Variants in RGS6 observed in about 807,000 individuals in gnomAD.
The protein encoded by RGS6 is regulator of G protein signaling 6, also known as regulator of G-protein signaling 6.
A neutral mutation model predicts 78.5 loss-of-function variants in RGS6; 30 were observed. That is an observed-to-expected ratio of 0.38 (90% CI 0.29 to 0.52). RGS6 has a LOEUF of 0.52. Among genes scored for constraint, RGS6 ranks in the 20% least tolerant of loss-of-function variants. The pLI is 0.85. For missense variants in RGS6, 495 were observed against 609.7 expected, an observed-to-expected ratio of 0.81 and a Z score of 1.98; for synonymous variants, 206 against 206.0, an observed-to-expected ratio of 1.00 and a Z score of 0.00.
the RGS6 span, among the ~76,000 whole-genome samples, chr14:72,584,821 T>C: frequency 6.6e-6 from 1 of 152,136 alleles, no homozygotes; most frequent in Non-Finnish European, 1.5e-5. Context: ...TGGAGTCAGG[T>C]AGGAAAGCCA....
intron 2 of RGS6, among the ~76,000 whole-genome samples, chr14:72,131,779 T>C (rs1208235063): frequency 6.6e-6 from 1 of 152,208 alleles, no homozygotes; most frequent in African/African-American, 2.4e-5. Context: ...TTATTTCAGC[T>C]CTTACCTCTA....
At chr14:72,059,351 G>A (rs1350075698) in intron 2 of RGS6, among the ~76,000 whole-genome samples, 1 of 152,172 alleles carries the variant, frequency 6.6e-6, no homozygotes, top group Non-Finnish European at 1.5e-5. Flanking sequence ...ATTTGGAAGG[G>A]TTTAATATGG....
In RGS6 at chr14:72,110,738, ATGTT is replaced by A. The variant is rs1477770138; in HGVS notation, c.84+145866_84+145869del. On this transcript the variant is annotated intron_variant, in intron 2 of 17. Transcript: ENST00000553525. ...GAATGAGCAATAACGAAAACCAGAA[ATGTT>A]TGGGGGAAAGAAGTTTTTGTCTGAT... Among the ~76,000 whole-genome samples, 7 of 152,288 alleles carry A rather than the reference ATGTT, an allele frequency of 4.6e-5. No homozygotes were observed. In the East Asian group the frequency reaches 1.2e-3, roughly 25 times the overall value.
At chr14:72,423,508 G>A (rs745874596) in intron 3 of RGS6, among the ~76,000 whole-genome samples, 9 of 152,208 alleles carry the variant, frequency 5.9e-5, no homozygotes, top group African/African-American at 9.6e-5. Flanking sequence ...GGATAAAGTC[G>A]TATTCTTCAC....
At chr14:71,944,011 G>T (rs1378355841) in intron 1 of RGS6, among the ~76,000 whole-genome samples, 1 of 152,204 alleles carries the variant, frequency 6.6e-6, no homozygotes, top group Non-Finnish European at 1.5e-5. Context: ...GATATAGTGA[G>T]ACTGTCATCC....
At chr14:72,378,793 C>G (rs1430648034) in intron 3 of RGS6, among the ~76,000 whole-genome samples, 2 of 152,094 alleles carry the variant, frequency 1.3e-5, no homozygotes, top group Non-Finnish European at 2.9e-5. Flanking sequence ...TTTTCTTAAA[C>G]TATTCCAAAA....
intron 13 of RGS6, among the ~76,000 whole-genome samples, chr14:72,507,786 C>T (rs1226478086): frequency 2.0e-5 from 3 of 152,150 alleles, no homozygotes; most frequent in African/African-American, 7.2e-5. Flanking sequence ...AGCCCTCATT[C>T]GAGTACAGCT....
At position 72,518,362 on chromosome 14, in the gene RGS6, C is replaced by T; in HGVS notation, c.1103C>T (p.Ala368Val). Residue 368 changes from alanine to valine, a missense_variant, in exon 15 of 18, where the codon GCT becomes GTT. Coordinates refer to ENST00000553525, the MANE Select transcript of RGS6 (RefSeq NM_001204424.2). Reference sequence around the variant, plus strand: ...TGCTCCCACTTCAGGTTCTGGCTGGCTGTCCAAGATCTTAAGAAACAACCC... The same window carrying T: ...TGCTCCCACTTCAGGTTCTGGCTGGTTGTCCAAGATCTTAAGAAACAACCC... Reference protein sequence around the residue: ...FSSENLRFWLAVQDLKKQPLQ... With the variant: ...FSSENLRFWLVVQDLKKQPLQ... The T allele has an allele frequency of 1.2e-6, 2 of 1,613,052 alleles. No homozygotes were observed. Among genetic ancestry groups the T allele is most frequent in the Non-Finnish European group, 8.5e-7 (1 of 1,179,246 alleles).
chr14:72,590,636 T>C, the RGS6 span, among the ~76,000 whole-genome samples: 2 of 152,220 alleles, frequency 1.3e-5, no homozygotes, highest in Non-Finnish European at 1.5e-5. Flanking sequence ...GTAGAGTTGA[T>C]GGAACAAGAT....
chr14:72,416,179 A>G (rs1448404893), intron 3 of RGS6, among the ~76,000 whole-genome samples: 13 of 151,818 alleles, frequency 8.6e-5, no homozygotes. Context: ...TCCTAGTTTT[A>G]CATTTGTAGC....
chr14:72,286,111 C>T (rs1310489411), intron 2 of RGS6, among the ~76,000 whole-genome samples: 2 of 152,088 alleles, frequency 1.3e-5, no homozygotes, highest in African/African-American at 4.8e-5. Context: ...AAAGTTTTGC[C>T]CCATGTTTTA....
At chr14:72,267,593 A>T (rs1007083249) in intron 2 of RGS6, among the ~76,000 whole-genome samples, 2 of 152,246 alleles carry the variant, frequency 1.3e-5, no homozygotes, top group Admixed American at 1.3e-4. Flanking sequence ...AACAGAAAGT[A>T]TAGCTCATGA....
In RGS6 at chr14:72,199,011, A is replaced by C. The variant is rs565157513; in HGVS notation, c.85-153084A>C. Reference sequence around the variant, plus strand: ...TTCTCTGACTGGGGTGTCCAAATGCATTCTAAGGGGACTTTGAGTTCCCTT... The same window carrying C: ...TTCTCTGACTGGGGTGTCCAAATGCCTTCTAAGGGGACTTTGAGTTCCCTT... On this transcript the variant is annotated intron_variant, in intron 2 of 17. Transcript: ENST00000553525. 2.8e-4 allele frequency among the ~76,000 whole-genome samples: 43 copies of C among 152,360 alleles called. 1 individual carries two copies. The highest frequency in any genetic ancestry group is 3.1e-4 in the Non-Finnish European group (21 of 68,030).
At chr14:71,963,136 C>T (rs963831511) in intron 1 of RGS6, among the ~76,000 whole-genome samples, 41 of 152,264 alleles carry the variant, frequency 2.7e-4, no homozygotes, top group Admixed American at 7.9e-4. Flanking sequence ...GGTGCCTTGG[C>T]ATGACTCAGA....
chr14:72,241,969 A>G (rs144441024), intron 2 of RGS6, among the ~76,000 whole-genome samples: 1 of 152,366 alleles, frequency 6.6e-6, no homozygotes, highest in African/African-American at 2.4e-5. Flanking sequence ...GGAAACTTGA[A>G]TGAGATATGC....
chr14:72,340,656 G>C lies in RGS6; in HGVS notation c.85-11439G>C, dbSNP rs1311818002. 2.6e-5 allele frequency among the ~76,000 whole-genome samples: 4 copies of C among 152,174 alleles called. No homozygotes were observed. In the East Asian group the frequency reaches 7.7e-4, roughly 29 times the overall value. Reference sequence around the variant, plus strand: ...TGCAGACTCTTTAAGCCTTCTCAAGGCTTTCCAGTTTTTGCAGCTGCTGAG... The same window carrying C: ...TGCAGACTCTTTAAGCCTTCTCAAGCCTTTCCAGTTTTTGCAGCTGCTGAG... On this transcript the variant is annotated intron_variant, in intron 2 of 17. Transcript: ENST00000553525.
At chr14:72,413,288 C>T (rs1010525322) in intron 3 of RGS6, among the ~76,000 whole-genome samples, 76 of 152,322 alleles carry the variant, frequency 5.0e-4, no homozygotes, top group Middle Eastern at 3.4e-3. Context: ...ATAGTTAGTT[C>T]TTCTTGTTGA....
Position 72,470,079 on chromosome 14 carries a change from G to A in RGS6, c.532G>A (p.Val178Ile). ...EFIFMQAEAQ[V>I]KIDRKKDKTE... Reference sequence around the variant, plus strand: ...CATCTTTATGCAAGCAGAAGCACAAGTAAAGTAGGTGAACTTGATAGAGAC... The same window carrying A: ...CATCTTTATGCAAGCAGAAGCACAAATAAAGTAGGTGAACTTGATAGAGAC... The change falls in exon 8 of 18, where the codon GTA (valine) becomes ATA (isoleucine). Residue 178 changes from valine (V) to isoleucine (I), a missense_variant. Transcript: ENST00000553525. The A allele has an allele frequency of 6.2e-7, 1 of 1,610,272 alleles. No homozygotes were observed. The highest frequency in any genetic ancestry group is 8.5e-7 in the Non-Finnish European group (1 of 1,176,798).
chr14:71,996,612 C>T (rs2095216086), intron 2 of RGS6, among the ~76,000 whole-genome samples: 1 of 152,122 alleles, frequency 6.6e-6, no homozygotes, highest in Non-Finnish European at 1.5e-5. Flanking sequence ...TGGGCGTTTT[C>T]AGGACAGGGA....
Sources: allele counts gnomAD v4.1 joint callset (sites outside exome capture counted in the v4.1 genomes callset), GRCh38; gene constraint gnomAD v4.1.1; transcripts MANE v1.5; gene names NCBI Gene and HGNC (gene_info 2026-07-23, HGNC 2026-07-21).